Variants in TRIO observed in about 807,000 individuals in gnomAD.
TRIO encodes trio Rho guanine nucleotide exchange factor.
In TRIO, 58 loss-of-function variants were observed where a neutral mutation model predicts 351.9. That is an observed-to-expected ratio of 0.16 (90% CI 0.13 to 0.21). The LOEUF (loss-of-function observed/expected upper bound fraction) is 0.21, where lower values mean the gene tolerates loss of function less well. Among genes scored for constraint, TRIO ranks in the 10% least tolerant of loss-of-function variants. TRIO has a pLI of 1.00. For synonymous variants in TRIO, 1,758 were observed against 1,595.7 expected (o/e 1.10, Z -2.42); for missense variants, 3,201 against 4,027.8 (o/e 0.79, Z 5.56).
chr5:14,405,498 G>A (rs912624307), intron 31 of TRIO, among the ~76,000 whole-genome samples: 1 of 152,214 alleles, frequency 6.6e-6, no homozygotes, highest in South Asian at 2.1e-4. Flanking sequence ...CCAGTGCGCA[G>A]TGTTTGCCTC....
At chr5:14,430,472 C>T (rs935902573) in intron 34 of TRIO, among the ~76,000 whole-genome samples, 1 of 152,050 alleles carries the variant, frequency 6.6e-6, no homozygotes, top group South Asian at 2.1e-4. Flanking sequence ...ACTTCCCTTC[C>T]CTCAGTATGT....
chr5:14,382,509 G>A (rs1457176552), intron 21 of TRIO, among the ~76,000 whole-genome samples: 3 of 152,080 alleles, frequency 2.0e-5, no homozygotes, highest in Non-Finnish European at 4.4e-5. Context: ...AAGAAGACCC[G>A]GCCCAGGGTG....
At chr5:14,470,213 A>G (rs1484887110) in intron 37 of TRIO, among the ~76,000 whole-genome samples, 2 of 152,238 alleles carry the variant, frequency 1.3e-5, no homozygotes, top group Non-Finnish European at 2.9e-5. Context: ...GATTGCTTGT[A>G]CAGTACATGC....
intron 34 of TRIO, among the ~76,000 whole-genome samples, chr5:14,427,342 C>A (rs902343819): frequency 1.3e-5 from 2 of 152,172 alleles, no homozygotes; most frequent in African/African-American, 4.8e-5. Context: ...CTTCACCCCC[C>A]ATGGCACAGA....
chr5:14,205,734 A>G (rs545917687), intron 1 of TRIO, among the ~76,000 whole-genome samples: 5 of 152,126 alleles, frequency 3.3e-5, no homozygotes, highest in Admixed American at 2.6e-4. Context: ...ATGTTTTTCA[A>G]TTTATTTATT....
At chr5:14,320,067 A>T (rs953545702) in intron 9 of TRIO, among the ~76,000 whole-genome samples, 1 of 151,828 alleles carries the variant, frequency 6.6e-6, no homozygotes, top group Admixed American at 6.6e-5. Flanking sequence ...TGCCTTTGCC[A>T]TTGTTCACTT....
At chr5:14,291,329 T>C in intron 5 of TRIO, 101 bp downstream of exon 5, 2 of 1,253,726 alleles carry the variant, frequency 1.6e-6, no homozygotes, top group Non-Finnish European at 2.2e-6. Flanking sequence ...GGTAAGGCTA[T>C]ACTCACCGTG....
At chr5:14,311,862 T>C (rs1738958828) in intron 8 of TRIO, among the ~76,000 whole-genome samples, 1 of 152,208 alleles carries the variant, frequency 6.6e-6, no homozygotes, top group South Asian at 2.1e-4. Context: ...TTTTCTTTAT[T>C]ACAGGCTAAA....
chr5:14,199,204 A>AAAC (rs1467708964), intron 1 of TRIO, among the ~76,000 whole-genome samples: 1 of 139,330 alleles, frequency 7.2e-6, no homozygotes. Flanking sequence ...TCAAAAAAAA[A>AAAC]AAAAAAAAAA....
intron 1 of TRIO, among the ~76,000 whole-genome samples, chr5:14,151,283 A>G (rs1170486574): frequency 6.6e-6 from 1 of 152,170 alleles, no homozygotes; most frequent in Admixed American, 6.5e-5. Flanking sequence ...AAAACTATGC[A>G]TGAACTTGAG....
chr5:14,300,438 T>C (rs1561310389), intron 7 of TRIO, among the ~76,000 whole-genome samples: 1 of 152,232 alleles, frequency 6.6e-6, no homozygotes, highest in Non-Finnish European at 1.5e-5. Flanking sequence ...GGGAGCAACA[T>C]GTGGCCAATG....
chr5:14,339,572 G>T (rs1213323492), intron 11 of TRIO, among the ~76,000 whole-genome samples: 1 of 152,128 alleles, frequency 6.6e-6, no homozygotes, highest in Non-Finnish European at 1.5e-5. Context: ...TGTTTTCCTC[G>T]ACCTGCACCA....
At chr5:14,353,039 T>G (rs1233510154) in intron 11 of TRIO, among the ~76,000 whole-genome samples, 2 of 152,058 alleles carry the variant, frequency 1.3e-5, no homozygotes, top group Non-Finnish European at 2.9e-5. Flanking sequence ...TTTTTAGGAG[T>G]AAAAAGATTT....
chr5:14,315,444 G>A lies in TRIO; in HGVS notation c.1501-1069G>A, dbSNP rs191383505. On this transcript the variant is annotated intron_variant, in intron 8 of 56. Coordinates refer to ENST00000344204, the MANE Select transcript of TRIO (RefSeq NM_007118.4). The stretch of plus-strand genomic sequence containing the variant: ...ATTTTTGTATTTTTAGTAGAGACGG[G>A]GTTTCACCATGTTGGCCAGGATGGT... Among the ~76,000 whole-genome samples the A allele has an allele frequency of 5.5e-3, 836 of 152,044 alleles. 8 individuals carry two copies. Among genetic ancestry groups the A allele is most frequent in the African/African-American group, 0.018 (753 of 41,462 alleles).
chr5:14,155,599 C>T (rs866834177), intron 1 of TRIO, among the ~76,000 whole-genome samples: 7 of 152,284 alleles, frequency 4.6e-5, no homozygotes, highest in East Asian at 1.9e-4. Flanking sequence ...ATAGTTTTGA[C>T]GATTACATGG....
chr5:14,431,078 G>A (rs1447727113), intron 34 of TRIO, among the ~76,000 whole-genome samples: 1 of 152,188 alleles, frequency 6.6e-6, no homozygotes, highest in East Asian at 1.9e-4. Flanking sequence ...TGACACTGTG[G>A]AAGAGTTTTG....
At chr5:14,199,817 G>A (rs1790994611) in intron 1 of TRIO, among the ~76,000 whole-genome samples, 1 of 152,210 alleles carries the variant, frequency 6.6e-6, no homozygotes, top group African/African-American at 2.4e-5. Flanking sequence ...ACCATTGCCA[G>A]ACCATGGTTT....
At chr5:14,331,445 A>G (rs773664406) in intron 10 of TRIO, among the ~76,000 whole-genome samples, 35 of 152,198 alleles carry the variant, frequency 2.3e-4, no homozygotes, top group Non-Finnish European at 4.3e-4. Flanking sequence ...CTTATAGTCA[A>G]CTTCTTTAAA....
At chr5:14,465,685 GT>G (rs765745916) in intron 37 of TRIO, 45 bp downstream of exon 37, 1 of 1,599,570 alleles carries the variant, frequency 6.3e-7, no homozygotes, top group East Asian at 2.2e-5. Flanking sequence ...GCTGCTCTGT[GT>G]TGCTACTTGC....
Sources: gnomAD v4.1 joint callset for allele counts (sites outside exome capture counted in the v4.1 genomes callset) on GRCh38, gnomAD v4.1.1 for gene constraint, MANE v1.5 for transcripts, NCBI Gene and HGNC (gene_info 2026-07-23, HGNC 2026-07-21) for gene names.